Variants in IGSF10 observed in about 807,000 individuals in gnomAD.
IGSF10 encodes the protein calvaria mechanical force protein 608.
IGSF10 carries 126 observed loss-of-function variants against 128.2 expected under a neutral mutation model. The observed-to-expected ratio is 0.98, with a 90% confidence interval of 0.85 to 1.14. IGSF10 has a LOEUF of 1.14. Ranked by LOEUF, IGSF10 falls within the 50% of genes most tolerant of loss-of-function variation. The pLI is 0.00. For synonymous variants in IGSF10, 1,185 were observed against 1,146.2 expected, an observed-to-expected ratio of 1.03 and a Z score of -0.68; for missense variants, 3,295 against 3,149.8, an observed-to-expected ratio of 1.05 and a Z score of -1.10.
chr3:151,524,602 AAAC>A, the IGSF10 span, among the ~76,000 whole-genome samples: 2 of 152,112 alleles, frequency 1.3e-5, no homozygotes, highest in African/African-American at 2.4e-5. Flanking sequence ...CCAAAGAAGG[AAAC>A]AACAGACACT....
the IGSF10 span, among the ~76,000 whole-genome samples, chr3:151,477,367 G>T: frequency 1.3e-5 from 2 of 152,086 alleles, no homozygotes; most frequent in Admixed American, 1.3e-4. Context: ...TACACAAGAG[G>T]TACTGTTTTC....
At chr3:151,464,286 A>G (rs1330459143), upstream of IGSF10, among the ~76,000 whole-genome samples, 1 of 152,110 alleles carries the variant, frequency 6.6e-6, no homozygotes, top group South Asian at 2.1e-4. Context: ...TCTTTTCTTA[A>G]ACAGTATTGT....
At position 151,448,468 on chromosome 3, in the gene IGSF10, G is replaced by T. The variant is rs760622446; in HGVS notation, c.1513C>A (p.Pro505Thr). 1 of 1,614,060 alleles carries T rather than the reference G, an allele frequency of 6.2e-7. No homozygotes were observed. Residue 505 changes from proline (P) to threonine (T), a missense_variant, in exon 6 of 8, where the codon CCA (proline) becomes ACA (threonine). Coordinates refer to ENST00000282466, the MANE Select transcript of IGSF10 (RefSeq NM_178822.5). The stretch of plus-strand genomic sequence containing the variant: ...TCAGCTAGAAGCCAATCCACGTGTG[G>T]GGTGGGGTCTCCTTGGCCTGGGCAG... ...LNCPGQGDPT[P>T]HVDWLLADGS...
At chr3:151,438,865 T>TAGAGAG (rs368154072) in intron 7 of IGSF10, among the ~76,000 whole-genome samples, 1 of 150,470 alleles carries the variant, frequency 6.6e-6, no homozygotes, top group Admixed American at 6.6e-5. Flanking sequence ...TATATATATA[T>TAGAGAG]AGAGAGAGAG....
At chr3:151,500,722 C>T in the IGSF10 span, among the ~76,000 whole-genome samples, 1 of 152,120 alleles carries the variant, frequency 6.6e-6, no homozygotes, top group East Asian at 1.9e-4. Context: ...ACCGATATTA[C>T]TTGTCCATCA....
At position 151,447,890 on chromosome 3, in the gene IGSF10, T is replaced by C. The variant is rs9871952; in HGVS notation, c.2091A>G (p.Gln697=). The C allele has an allele frequency of 0.75, 1,215,019 of 1,613,702 alleles. 459,012 individuals are homozygous for C. Among genetic ancestry groups the C allele is most frequent in the Middle Eastern group, 0.92 (5,564 of 6,062 alleles). ...IAHLKEPPGA[Q]LRTSALMEAE... is the part of the protein sequence containing the mutation. The stretch of plus-strand genomic sequence containing the variant: ...CCTCCATCAGAGCAGATGTACGGAG[T>C]TGTGCACCTGGTGGCTCCTTAAGAT... The change falls in exon 6 of 8, where the codon CAA becomes CAG. Residue 697 remains glutamine (Q), a synonymous_variant. Coordinates refer to ENST00000282466, the MANE Select transcript of IGSF10 (RefSeq NM_178822.5).
the IGSF10 span, among the ~76,000 whole-genome samples, chr3:151,605,109 G>A: frequency 6.6e-6 from 1 of 152,128 alleles, no homozygotes; most frequent in African/African-American, 2.4e-5. Context: ...ATTTAAAAGG[G>A]CAAAATCACC....
At chr3:151,527,065 T>C in the IGSF10 span, among the ~76,000 whole-genome samples, 1 of 152,360 alleles carries the variant, frequency 6.6e-6, no homozygotes, top group Admixed American at 6.5e-5. Flanking sequence ...TGGTAGAATT[T>C]GTAGAAAAAA....
the IGSF10 span, among the ~76,000 whole-genome samples, chr3:151,469,386 A>G: frequency 6.6e-6 from 1 of 152,196 alleles, no homozygotes; most frequent in Non-Finnish European, 1.5e-5. Context: ...ACATTCCTGT[A>G]TCTGAACCCA....
the IGSF10 span, among the ~76,000 whole-genome samples, chr3:151,602,226 A>G: frequency 9.8e-5 from 15 of 152,330 alleles, no homozygotes; most frequent in African/African-American, 3.6e-4. Context: ...AGCATTCGAT[A>G]TCATTACATA....
At chr3:151,471,599 G>A in the IGSF10 span, among the ~76,000 whole-genome samples, 128,568 of 151,808 alleles carry the variant, frequency 0.85, 54,658 homozygotes, top group Middle Eastern at 0.92. Flanking sequence ...GATAGCAGAT[G>A]CGCTTTTGGA....
Position 151,438,054 on chromosome 3 carries a change from G to T in IGSF10, c.6507C>A (p.Pro2169=). The T allele has an allele frequency of 6.2e-7, 1 of 1,614,160 alleles. No homozygotes were observed. Among genetic ancestry groups the T allele is most frequent in the African/African-American group, 1.3e-5 (1 of 75,036 alleles). Residue 2169 remains proline (P), a synonymous_variant, in exon 8 of 8, where the codon CCC becomes CCA. Coordinates refer to ENST00000282466, the MANE Select transcript of IGSF10 (RefSeq NM_178822.5). Reference sequence around the variant, plus strand: ...GCAGCAACCAAAATATTTTTGGTTTGGGATCCCCAGTGACCTCACAGTCAA... The same window carrying T: ...GCAGCAACCAAAATATTTTTGGTTTTGGATCCCCAGTGACCTCACAGTCAA... The part of the protein sequence containing the change: ...AVLDCEVTGD[P]KPKIFWLLPS...
Position 151,443,743 on chromosome 3 carries a change from T to C in IGSF10, c.5204A>G (p.His1735Arg). 6.2e-7 allele frequency: 1 copy of C among 1,614,188 alleles called. No homozygotes were observed. The highest frequency in any genetic ancestry group is 8.5e-7 in the Non-Finnish European group (1 of 1,180,034). ...ATAGGAAACCACAGACAAGGTGACATGAAGGTGGTCTGTGCCAAACAGATT... is the reference window on the plus strand; with the variant it reads ...ATAGGAAACCACAGACAAGGTGACACGAAGGTGGTCTGTGCCAAACAGATT... ...ASNLFGTDHL[H>R]VTLSVVSYPP... is the part of the protein sequence containing the mutation. Residue 1735 changes from histidine to arginine, a missense_variant, in exon 7 of 8, where the codon CAT becomes CGT. Coordinates refer to ENST00000282466, the MANE Select transcript of IGSF10 (RefSeq NM_178822.5).
At chr3:151,509,797 G>A in the IGSF10 span, among the ~76,000 whole-genome samples, 1 of 152,208 alleles carries the variant, frequency 6.6e-6, no homozygotes, top group Non-Finnish European at 1.5e-5. Context: ...CTTTTCCAAT[G>A]GGCTTATCAA....
At chr3:151,457,219 A>G in intron 3 of IGSF10, 64 bp from the exon 4 acceptor site, 1 of 1,469,926 alleles carries the variant, frequency 6.8e-7, no homozygotes, top group Non-Finnish European at 9.4e-7. Context: ...AAATGTCATA[A>G]CCAAAATAAA....
At chr3:151,484,111 G>C in the IGSF10 span, among the ~76,000 whole-genome samples, 1 of 152,332 alleles carries the variant, frequency 6.6e-6, no homozygotes, top group African/African-American at 2.4e-5. Flanking sequence ...CAAGCTTGGT[G>C]GTGGGAGGGA....
chr3:151,572,683 TA>T, the IGSF10 span, among the ~76,000 whole-genome samples: 2 of 152,150 alleles, frequency 1.3e-5, no homozygotes, highest in Non-Finnish European at 2.9e-5. Context: ...CTGGATTCAT[TA>T]AATTTTTGAA....
chr3:151,457,113 G>T lies in IGSF10; in HGVS notation c.237C>A (p.Gly79=), dbSNP rs764250455. Residue 79 remains glycine (G), a synonymous_variant, in exon 4 of 8, where the codon GGC becomes GGA. Transcript: ENST00000282466. ...GCATGAGTAACTCCAGTTTGGTCAG[G>T]CCAGAAAAATCTGTTTCCATCAATC... ...LVRLMETDFS[G]LTKLELLMLH... is the part of the protein sequence containing the mutation. The T allele has an allele frequency of 1.2e-6, 2 of 1,614,060 alleles. No homozygotes were observed. The highest frequency in any genetic ancestry group is 1.7e-5 in the Admixed American group (1 of 60,024).
intron 7 of IGSF10, among the ~76,000 whole-genome samples, chr3:151,442,393 T>TTG (rs1560173750): frequency 4.0e-5 from 6 of 149,698 alleles, no homozygotes; most frequent in African/African-American, 1.5e-4. Flanking sequence ...TTTTTTTTTT[T>TTG]TTTTGAGACA....
Sources: gnomAD v4.1 joint callset for allele counts (sites outside exome capture counted in the v4.1 genomes callset) on GRCh38, gnomAD v4.1.1 for gene constraint, MANE v1.5 for transcripts, NCBI Gene and HGNC (gene_info 2026-07-23, HGNC 2026-07-21) for gene names.